LIN54: variants seen among roughly 807,000 people sequenced by gnomAD.
The protein encoded by LIN54 is lin-54 DREAM MuvB core complex component.
LIN54 carries 9 observed loss-of-function variants against 78.7 expected under a neutral mutation model. That is an observed-to-expected ratio of 0.11 (90% CI 0.07 to 0.20). The LOEUF (loss-of-function observed/expected upper bound fraction) is 0.20. Ranked by LOEUF, LIN54 falls within the 10% of genes least tolerant of loss-of-function variation. The pLI, the probability that LIN54 is intolerant of heterozygous loss-of-function variation, is 1.00. For missense variants in LIN54, 573 were observed against 889.9 expected (o/e 0.64, Z 4.53); for synonymous variants, 269 against 318.4 (o/e 0.84, Z 1.65).
chr4:82,939,751 C>G lies in LIN54; in HGVS notation c.1243-15G>C. On this transcript the variant is annotated splice_polypyrimidine_tract_variant and intron_variant, in intron 6 of 12. Transcript: ENST00000340417. ...TTTGGAACAACCTAAAAAGAAGGGA[C>G]ATATATCAATGACCACAAAATAAAT... 6.2e-7 allele frequency: 1 copy of G among 1,613,716 alleles called. No individual in the cohort carries two copies.
intron 2 of LIN54, among the ~76,000 whole-genome samples, chr4:82,982,303 A>T (rs1578604055): frequency 6.6e-6 from 1 of 152,214 alleles, no homozygotes; most frequent in East Asian, 1.9e-4. Flanking sequence ...ACCACAGCTC[A>T]CAGCAGCCTA....
intron 4 of LIN54, among the ~76,000 whole-genome samples, chr4:82,954,754 A>T (rs1219595782): frequency 1.3e-5 from 2 of 152,214 alleles, no homozygotes; most frequent in African/African-American, 2.4e-5. Context: ...ACCAGAAGCA[A>T]TTTAATGAAG....
intron 1 of LIN54, among the ~76,000 whole-genome samples, chr4:82,988,521 T>C (rs866717406): frequency 6.6e-6 from 1 of 152,202 alleles, no homozygotes; most frequent in Non-Finnish European, 1.5e-5. Context: ...TTTCAGAAAA[T>C]ACGTTTTTCA....
intron 4 of LIN54, among the ~76,000 whole-genome samples, chr4:82,969,223 G>A (rs1374050263): frequency 1.3e-5 from 2 of 152,230 alleles, no homozygotes; most frequent in South Asian, 2.1e-4. Context: ...TCCAACCCAC[G>A]TTTAAGGTTA....
chr4:82,950,907 C>G (rs2126049805), intron 4 of LIN54, among the ~76,000 whole-genome samples: 2 of 152,170 alleles, frequency 1.3e-5, no homozygotes, highest in South Asian at 4.1e-4. Context: ...TGAATATTCT[C>G]TTTTACTTGG....
intron 3 of LIN54, among the ~76,000 whole-genome samples, chr4:82,978,164 C>G (rs1252537188): frequency 6.6e-6 from 1 of 152,148 alleles, no homozygotes; most frequent in South Asian, 2.1e-4. Flanking sequence ...AGAACGAACA[C>G]TTGAAGTCAA....
chr4:82,952,085 A>G (rs1165693030), intron 4 of LIN54, among the ~76,000 whole-genome samples: 1 of 152,216 alleles, frequency 6.6e-6, no homozygotes. Flanking sequence ...TCTTGGATAC[A>G]ACACCAAAGG....
chr4:82,991,214 T>C (rs1727671445), intron 1 of LIN54, among the ~76,000 whole-genome samples: 1 of 152,012 alleles, frequency 6.6e-6, no homozygotes, highest in African/African-American at 2.4e-5. Flanking sequence ...CTATATCTTA[T>C]TTATGTTAGC....
Position 82,939,930 on chromosome 4 carries a change from G to A in LIN54, c.1201C>T (p.Arg401Trp), listed in dbSNP as rs1722715553. The A allele has an allele frequency of 2.5e-6, 4 of 1,610,388 alleles. No individual in the cohort carries two copies. The highest frequency in any genetic ancestry group is 3.4e-6 in the Non-Finnish European group (4 of 1,178,902). ...GCTGAGACAATTGGAACTGACATCC[G>A]CACTGGGGTTGTATTAACAACCACT... is the stretch of plus-strand genomic sequence containing the variant. ...KPVVVNTTPVRMSVPIVSAQA... is the reference protein window; with the variant it reads ...KPVVVNTTPVWMSVPIVSAQA... The change falls in exon 6 of 13, where the codon CGG becomes TGG. Residue 401 changes from arginine (R) to tryptophan (W), a missense_variant. By Grantham distance (101) the Arg-to-Trp change is moderately radical. Coordinates refer to ENST00000340417, the MANE Select transcript of LIN54 (RefSeq NM_194282.4).
At chr4:82,946,587 C>A in intron 4 of LIN54, 113 bp from the exon 5 acceptor site, 2 of 802,310 alleles carry the variant, frequency 2.5e-6, no homozygotes, top group Non-Finnish European at 4.0e-6. Flanking sequence ...GCATCAAAAG[C>A]TGCTGAAAGG....
intron 1 of LIN54, among the ~76,000 whole-genome samples, chr4:83,003,204 A>G (rs761059791): frequency 1.3e-5 from 2 of 152,094 alleles, no homozygotes; most frequent in Non-Finnish European, 2.9e-5. Context: ...TAGTAGACAC[A>G]GGGTTTCACC....
rs1452672031 is a variant in LIN54 at position 82,927,610 on chromosome 4, T to A, written c.*492A>T. 1.3e-5 allele frequency: 2 copies of A among 152,912 alleles called. No individual in the cohort carries two copies. Among genetic ancestry groups the A allele is most frequent in the African/African-American group, 4.8e-5 (2 of 41,474 alleles). 9.5% of individuals were successfully genotyped at this position (152,912 alleles called of 1,614,324 possible). A position where few individuals can be genotyped will look rare whatever the true frequency, so the allele number is the denominator to read the frequency against. On this transcript the variant is annotated 3_prime_UTR_variant, in exon 13 of 13. Coordinates refer to ENST00000340417, the MANE Select transcript of LIN54 (RefSeq NM_194282.4). ...GAATCGGCCCTAAAAGGCTGCTTTT[T>A]CTTTAAAAGATAGTCCTTTTCTAAA...
At chr4:82,948,181 T>C (rs1462377747) in intron 4 of LIN54, among the ~76,000 whole-genome samples, 2 of 152,136 alleles carry the variant, frequency 1.3e-5, no homozygotes, top group African/African-American at 4.8e-5. Context: ...TAGATAGTCC[T>C]TACTATATCC....
upstream of LIN54, among the ~76,000 whole-genome samples, chr4:83,012,261 A>C (rs1232594987): frequency 6.6e-6 from 1 of 151,930 alleles, no homozygotes; most frequent in Non-Finnish European, 1.5e-5. Flanking sequence ...TCCCCCGTGC[A>C]CCTCGGGAAC....
At chr4:83,009,646 A>T (rs964315036) in intron 1 of LIN54, among the ~76,000 whole-genome samples, 1 of 152,200 alleles carries the variant, frequency 6.6e-6, no homozygotes, top group African/African-American at 2.4e-5. Flanking sequence ...CTCTAAACAA[A>T]GGGCTAGGCT....
At chr4:82,961,125 A>G (rs548177829) in intron 4 of LIN54, among the ~76,000 whole-genome samples, 1 of 152,312 alleles carries the variant, frequency 6.6e-6, no homozygotes, top group South Asian at 2.1e-4. Flanking sequence ...CACATAGTAA[A>G]GTCTAGTTGA....
Position 82,966,133 on chromosome 4 carries a change from T to C in LIN54, c.951+4194A>G, listed in dbSNP as rs761311836. 4.6e-5 allele frequency among the ~76,000 whole-genome samples: 7 copies of C among 152,290 alleles called. No homozygotes were observed. In the South Asian group the frequency reaches 6.2e-4, roughly 14 times the overall value. On this transcript the variant is annotated intron_variant, in intron 4 of 12. Transcript: ENST00000340417. Reference sequence around the variant, plus strand: ...GCTTTTCTTTTCGCTCTACATACAATCTGATGCTCCTTGGGTGATTTCATC... The same window carrying C: ...GCTTTTCTTTTCGCTCTACATACAACCTGATGCTCCTTGGGTGATTTCATC...
rs7659480 is a variant in LIN54, at chr4:82,986,978, A to G, written c.-32-2102T>C. 4.3e-3 allele frequency among the ~76,000 whole-genome samples: 648 copies of G among 152,248 alleles called. 11 individuals are homozygous for G. The highest frequency in any genetic ancestry group is 0.015 in the African/African-American group (616 of 41,546). On this transcript the variant is annotated intron_variant, in intron 1 of 12. Transcript: ENST00000340417. The stretch of plus-strand genomic sequence containing the variant: ...AATGGTAGAGCCAGGACTCCAGCTC[A>G]GGTTTTTAATATGCCACAGTTAATT...
At position 82,932,388 on chromosome 4, in the gene LIN54, G is replaced by A. The variant is rs559489701; in HGVS notation, c.1846-1243C>T. ...TGGGATTACAGATGTGAGCCACCGC[G>A]CCTGGCCTGTGTATTTGAATTTTAA... On this transcript the variant is annotated intron_variant, in intron 11 of 12. Coordinates refer to ENST00000340417, the MANE Select transcript of LIN54 (RefSeq NM_194282.4). Among the ~76,000 whole-genome samples the A allele has an allele frequency of 2.6e-5, 4 of 151,202 alleles. No individual in the cohort carries two copies. The South Asian group carries it at 6.3e-4, about 24-fold the overall frequency.
Sources: gnomAD v4.1 joint callset for allele counts (sites outside exome capture counted in the v4.1 genomes callset) on GRCh38, gnomAD v4.1.1 for gene constraint, MANE v1.5 for transcripts, NCBI Gene and HGNC (gene_info 2026-07-23, HGNC 2026-07-21) for gene names.